Variants in BBS9 observed in about 807,000 individuals in gnomAD.
BBS9 encodes the protein Bardet-Biedl syndrome 9.
Under a neutral mutation model 117.7 loss-of-function variants are expected in BBS9, and 89 were observed. That is an observed-to-expected ratio of 0.76 (90% CI 0.64 to 0.90). The LOEUF is 0.90. Ranked by LOEUF, BBS9 falls within the 40% of genes least tolerant of loss-of-function variation. The probability of loss-of-function intolerance (pLI) is 0.00; values close to 1 mark genes in which losing one functional copy is unlikely to be tolerated. For missense variants in BBS9, 982 were observed against 1,042.2 expected (o/e 0.94, Z 0.80); for synonymous variants, 379 against 370.9 (o/e 1.02, Z -0.25).
intron 19 of BBS9, among the ~76,000 whole-genome samples, chr7:33,395,761 C>T (rs560939939): frequency 2.6e-5 from 4 of 152,210 alleles, no homozygotes; most frequent in Admixed American, 6.5e-5. Flanking sequence ...TTTTAAGTCA[C>T]GCAGAAGCCT....
At chr7:33,540,804 G>A (rs746513574) in intron 21 of BBS9, among the ~76,000 whole-genome samples, 3 of 152,316 alleles carry the variant, frequency 2.0e-5, no homozygotes, top group African/African-American at 4.8e-5. Context: ...AGAAATGTGC[G>A]CAGCTGTTTT....
At chr7:33,132,776 C>T (rs897401833) in intron 1 of BBS9, among the ~76,000 whole-genome samples, 1 of 152,086 alleles carries the variant, frequency 6.6e-6, no homozygotes, top group Admixed American at 6.5e-5. Context: ...TATATCTTTC[C>T]TAGATTGGAA....
At chr7:33,632,164 C>T (rs766003450) in intron 21 of BBS9, among the ~76,000 whole-genome samples, 49 of 152,114 alleles carry the variant, frequency 3.2e-4, no homozygotes, top group Non-Finnish European at 1.3e-4. Context: ...TGTTTCCCTT[C>T]TGTCCTTCCA....
At position 33,305,853 on chromosome 7, in the gene BBS9, C is replaced by G. The variant is rs1011651955; in HGVS notation, c.1017-30588C>G. On this transcript the variant is annotated intron_variant, in intron 9 of 22. Transcript: ENST00000242067. ...TTGTTTACCTTTTCAAAAAAACCAG[C>G]TTTTCATTTGGCTAATCTTTTGTAT... is the stretch of plus-strand genomic sequence containing the variant. Among the ~76,000 whole-genome samples, 5 of 151,948 alleles carry G rather than the reference C, an allele frequency of 3.3e-5. No homozygotes were observed. The East Asian group carries it at 9.6e-4, about 29-fold the overall frequency.
chr7:33,191,317 G>A (rs149351357), intron 5 of BBS9, among the ~76,000 whole-genome samples: 2 of 152,156 alleles, frequency 1.3e-5, no homozygotes, highest in African/African-American at 4.8e-5. Context: ...TTTGGTATCC[G>A]TGAGCTTTGA....
At chr7:33,587,856 GT>G (rs767279237) in intron 21 of BBS9, among the ~76,000 whole-genome samples, 6 of 152,076 alleles carry the variant, frequency 3.9e-5, no homozygotes, top group Non-Finnish European at 7.4e-5. Flanking sequence ...TTGTCCAGTT[GT>G]TTATCTAATC....
intron 17 of BBS9, among the ~76,000 whole-genome samples, chr7:33,368,372 CAA>C (rs774397920): frequency 6.6e-6 from 1 of 151,960 alleles, no homozygotes; most frequent in Non-Finnish European, 1.5e-5. Flanking sequence ...ACTATATAGT[CAA>C]GTTTGAATTT....
chr7:33,367,297 G>A (rs1166104271), intron 16 of BBS9, among the ~76,000 whole-genome samples: 1 of 151,898 alleles, frequency 6.6e-6, no homozygotes, highest in Non-Finnish European at 1.5e-5. Context: ...TTTTTATTTT[G>A]TTTTTAAGTC....
chr7:33,607,601 A>C (rs758028506), downstream of BBS9, among the ~76,000 whole-genome samples: 2 of 152,102 alleles, frequency 1.3e-5, no homozygotes, highest in Non-Finnish European at 2.9e-5. Context: ...TACCTTTTTA[A>C]CAATTCTGCA....
intron 7 of BBS9, among the ~76,000 whole-genome samples, chr7:33,268,285 C>T (rs555370497): frequency 6.6e-6 from 1 of 152,296 alleles, no homozygotes; most frequent in South Asian, 2.1e-4. Flanking sequence ...CTGCAGATCT[C>T]CAGAGTTCTG....
intron 5 of BBS9, among the ~76,000 whole-genome samples, chr7:33,242,178 G>T (rs1794634271): frequency 6.6e-6 from 1 of 152,008 alleles, no homozygotes; most frequent in Non-Finnish European, 1.5e-5. Flanking sequence ...AAATCAGTTT[G>T]GGGTTTATGA....
At chr7:33,529,404 G>A (rs1850212797) in intron 20 of BBS9, among the ~76,000 whole-genome samples, 1 of 152,144 alleles carries the variant, frequency 6.6e-6, no homozygotes. Flanking sequence ...CTAAGGCAGG[G>A]GCTCTGGTAG....
intron 9 of BBS9, among the ~76,000 whole-genome samples, chr7:33,307,621 T>C (rs1808298617): frequency 2.0e-5 from 3 of 152,198 alleles, no homozygotes; most frequent in Non-Finnish European, 2.9e-5. Context: ...TTATAACCTA[T>C]GTACATCTTC....
intron 20 of BBS9, among the ~76,000 whole-genome samples, chr7:33,512,130 C>G (rs1435055793): frequency 6.6e-6 from 1 of 152,118 alleles, no homozygotes; most frequent in Non-Finnish European, 1.5e-5. Flanking sequence ...TGACCACATA[C>G]CCTGTGTTGC....
intron 21 of BBS9, among the ~76,000 whole-genome samples, chr7:33,594,233 A>G (rs915118730): frequency 1.3e-5 from 2 of 152,116 alleles, no homozygotes; most frequent in Non-Finnish European, 2.9e-5. Context: ...TGAAATGGAA[A>G]TATTTTCATA....
At chr7:33,355,611 A>C (rs997183695) in intron 15 of BBS9, among the ~76,000 whole-genome samples, 2 of 152,060 alleles carry the variant, frequency 1.3e-5, no homozygotes, top group African/African-American at 2.4e-5. Flanking sequence ...TAATTCCTGC[A>C]GAGAAAAGAT....
At chr7:33,296,776 A>G (rs1385000443) in intron 9 of BBS9, among the ~76,000 whole-genome samples, 1 of 152,180 alleles carries the variant, frequency 6.6e-6, no homozygotes, top group Non-Finnish European at 1.5e-5. Flanking sequence ...AGGTGCCCTG[A>G]AGCAAATTTG....
chr7:33,304,713 G>A (rs1807498876), intron 9 of BBS9, among the ~76,000 whole-genome samples: 1 of 152,112 alleles, frequency 6.6e-6, no homozygotes, highest in African/African-American at 2.4e-5. Context: ...GAAATGTGGG[G>A]AAAACAGAGA....
intron 9 of BBS9, among the ~76,000 whole-genome samples, chr7:33,317,490 T>C (rs1810771024): frequency 6.6e-6 from 1 of 151,944 alleles, no homozygotes; most frequent in Non-Finnish European, 1.5e-5. Flanking sequence ...TAAGGGTGTA[T>C]CTTTTTAAAG....
Sources: gnomAD v4.1 joint callset for allele counts (sites outside exome capture counted in the v4.1 genomes callset) on GRCh38, gnomAD v4.1.1 for gene constraint, MANE v1.5 for transcripts, NCBI Gene and HGNC (gene_info 2026-07-23, HGNC 2026-07-21) for gene names.